The following EDIL3 variants were observed in gnomAD, a reference collection of about 807,000 sequenced individuals.
The protein encoded by EDIL3 is EGF-like repeat and discoidin I-like domain-containing protein 3.
Under a neutral mutation model 67.4 loss-of-function variants are expected in EDIL3, and 37 were observed. The ratio of observed to expected loss-of-function variants is 0.55; its 90% CI spans 0.42 to 0.72. The LOEUF is 0.72. Among genes scored for constraint, EDIL3 ranks in the 30% least tolerant of loss-of-function variants. The pLI is 0.00. For missense variants in EDIL3, 527 were observed against 586.3 expected (o/e 0.90, Z 1.04); for synonymous variants, 195 against 196.3 (o/e 0.99, Z 0.05).
intron 6 of EDIL3, among the ~76,000 whole-genome samples, chr5:84,093,316 T>C (rs145220559): frequency 1.6e-4 from 25 of 152,322 alleles, no homozygotes; most frequent in South Asian, 4.1e-4. Context: ...TCAAGTTGTT[T>C]ATGGTATAGG....
intron 5 of EDIL3, among the ~76,000 whole-genome samples, chr5:84,118,078 T>C (rs1281507909): frequency 6.6e-6 from 1 of 152,108 alleles, no homozygotes; most frequent in African/African-American, 2.4e-5. Flanking sequence ...GGAAGATAAA[T>C]TGCATAAAAA....
At chr5:84,319,268 C>G (rs1455009078) in intron 1 of EDIL3, among the ~76,000 whole-genome samples, 1 of 77,734 alleles carries the variant, frequency 1.3e-5, no homozygotes, top group African/African-American at 4.4e-5. Flanking sequence ...GTCAGGAGAT[C>G]GAGACCACGG....
chr5:84,131,827 C>A (rs1236204413), intron 5 of EDIL3, among the ~76,000 whole-genome samples: 1 of 152,060 alleles, frequency 6.6e-6, no homozygotes, highest in Non-Finnish European at 1.5e-5. Flanking sequence ...AAATATTGAG[C>A]ATAACAATAC....
chr5:84,366,804 A>G (rs1413074041), intron 1 of EDIL3, among the ~76,000 whole-genome samples: 2 of 152,200 alleles, frequency 1.3e-5, no homozygotes, highest in African/African-American at 4.8e-5. Context: ...CTCATGCAGT[A>G]TTTAAAGTGT....
At chr5:83,949,296 A>G (rs1370615629) in intron 10 of EDIL3, among the ~76,000 whole-genome samples, 1 of 151,828 alleles carries the variant, frequency 6.6e-6, no homozygotes, top group Non-Finnish European at 1.5e-5. Flanking sequence ...GGTCATAACT[A>G]ACCGAAACAA....
chr5:83,996,239 A>G (rs1745237259), intron 9 of EDIL3, among the ~76,000 whole-genome samples: 1 of 152,212 alleles, frequency 6.6e-6, no homozygotes, highest in African/African-American at 2.4e-5. Flanking sequence ...TGTTGAGTAG[A>G]ATTTTCATGG....
intron 3 of EDIL3, among the ~76,000 whole-genome samples, chr5:84,211,533 T>G (rs1744117811): frequency 6.6e-6 from 1 of 151,756 alleles, no homozygotes; most frequent in Non-Finnish European, 1.5e-5. Context: ...ATTACCCAGA[T>G]GGGCCCTAAA....
rs531803438 is a variant in EDIL3 at position 84,107,100 on chromosome 5, C to T, written c.470-270G>A. Among the ~76,000 whole-genome samples the T allele has an allele frequency of 2.6e-5, 4 of 152,168 alleles. No individual in the cohort carries two copies. The South Asian group carries it at 8.3e-4, about 32-fold the overall frequency. On this transcript the variant is annotated intron_variant, in intron 5 of 10. Coordinates refer to ENST00000296591, the MANE Select transcript of EDIL3 (RefSeq NM_005711.5). ...TATGATTCTGGTTCTGTACTGATAG[C>T]TTCTGGTTGTTGATCACGTCAACAA...
intron 2 of EDIL3, among the ~76,000 whole-genome samples, chr5:84,238,665 G>GTTGTTT (rs1554037700): frequency 9.9e-6 from 1 of 101,106 alleles, no homozygotes; most frequent in Non-Finnish European, 1.8e-5. Flanking sequence ...AAAATTAAAT[G>GTTGTTT]TTTTTTTTTT....
chr5:84,132,392 T>TATATA (rs1561440619), intron 5 of EDIL3, among the ~76,000 whole-genome samples: 29 of 91,514 alleles, frequency 3.2e-4, no homozygotes, highest in South Asian at 2.6e-3. Context: ...ATATATTTTA[T>TATATA]ATATAATATA....
intron 9 of EDIL3, among the ~76,000 whole-genome samples, chr5:84,045,789 A>G (rs146204568): frequency 9.2e-5 from 14 of 152,238 alleles, no homozygotes; most frequent in African/African-American, 3.1e-4. Context: ...AATTGTATTA[A>G]TTAAAAAGAA....
intron 3 of EDIL3, among the ~76,000 whole-genome samples, chr5:84,191,224 C>T (rs1402147974): frequency 6.6e-6 from 1 of 152,010 alleles, no homozygotes; most frequent in Non-Finnish European, 1.5e-5. Flanking sequence ...CACAAAGCTA[C>T]AGTTCTTTCT....
intron 9 of EDIL3, among the ~76,000 whole-genome samples, chr5:83,980,240 T>TGC (rs1464466074): frequency 7.9e-6 from 1 of 125,898 alleles, no homozygotes; most frequent in African/African-American, 3.5e-5. Context: ...GAGGTGTGTG[T>TGC]TTTTTTTTTG....
At chr5:84,192,097 T>C (rs1228084108) in intron 3 of EDIL3, among the ~76,000 whole-genome samples, 2 of 151,872 alleles carry the variant, frequency 1.3e-5, no homozygotes, top group Non-Finnish European at 2.9e-5. Context: ...AATTGAAGTA[T>C]TTTATTCTAA....
intron 1 of EDIL3, among the ~76,000 whole-genome samples, chr5:84,313,926 T>C (rs1052408849): frequency 6.6e-6 from 1 of 152,168 alleles, no homozygotes; most frequent in Non-Finnish European, 1.5e-5. Flanking sequence ...CCAGGTGTGG[T>C]GGCTCACACC....
intron 1 of EDIL3, among the ~76,000 whole-genome samples, chr5:84,350,144 C>G (rs1429330246): frequency 3.3e-5 from 5 of 152,034 alleles, no homozygotes; most frequent in African/African-American, 1.2e-4. Flanking sequence ...ATTTATGTCT[C>G]AATATTATGC....
Position 83,942,703 on chromosome 5 carries a change from T to G in EDIL3, c.*716A>C, listed in dbSNP as rs998700844. ...ATCAATCTACTGATAGGCAGTCATGTTCTACATATATGAGTAAACATGACA... is the reference window on the plus strand; with the variant it reads ...ATCAATCTACTGATAGGCAGTCATGGTCTACATATATGAGTAAACATGACA... On this transcript the variant is annotated 3_prime_UTR_variant, in exon 11 of 11. Coordinates refer to ENST00000296591, the MANE Select transcript of EDIL3 (RefSeq NM_005711.5). 9 of 152,040 alleles carry G rather than the reference T, an allele frequency of 5.9e-5. No individual in the cohort carries two copies. The highest frequency in any genetic ancestry group is 2.2e-4 in the African/African-American group (9 of 41,422). The allele number at this position is 152,040 out of a possible 1,614,324, so 9.4% of individuals were successfully genotyped here. A position where few individuals can be genotyped will look rare whatever the true frequency, so the allele number is the denominator to read the frequency against.
chr5:84,246,085 G>A (rs2112066091), intron 2 of EDIL3, among the ~76,000 whole-genome samples: 1 of 152,246 alleles, frequency 6.6e-6, no homozygotes, highest in South Asian at 2.1e-4. Context: ...ATACCTATGT[G>A]TTTATCAACT....
intron 1 of EDIL3, among the ~76,000 whole-genome samples, chr5:84,275,422 T>C (rs1186384880): frequency 6.6e-6 from 1 of 152,228 alleles, no homozygotes. Context: ...GCCACTCTTA[T>C]TTAAAATAGT....
Sources: allele counts gnomAD v4.1 joint callset (sites outside exome capture counted in the v4.1 genomes callset), GRCh38; gene constraint gnomAD v4.1.1; transcripts MANE v1.5; gene names NCBI Gene and HGNC (gene_info 2026-07-23, HGNC 2026-07-21).